The following ESR2 variants were observed in gnomAD, a reference collection of about 807,000 sequenced individuals.
ESR2 encodes estrogen receptor beta.
A neutral mutation model predicts 49.6 loss-of-function variants in ESR2; 36 were observed. That is an observed-to-expected ratio of 0.73 (90% CI 0.56 to 0.96). The LOEUF (loss-of-function observed/expected upper bound fraction) is 0.96. Among genes scored for constraint, ESR2 ranks in the 40% least tolerant of loss-of-function variants. ESR2 has a pLI of 0.00. For synonymous variants in ESR2, 320 were observed against 266.1 expected, an observed-to-expected ratio of 1.20 and a Z score of -1.97; for missense variants, 714 against 693.0, an observed-to-expected ratio of 1.03 and a Z score of -0.34.
At chr14:64,296,344 G>A (rs1191166874), upstream of ESR2, among the ~76,000 whole-genome samples, 1 of 152,196 alleles carries the variant, frequency 6.6e-6, no homozygotes, top group Non-Finnish European at 1.5e-5. Flanking sequence ...GCCACCTAGT[G>A]AGAAAGGAAC....
intron 5 of ESR2, 28 bp from the exon 6 acceptor site, chr14:64,257,392 C>A (rs767462603): frequency 1.9e-6 from 3 of 1,611,408 alleles, no homozygotes; most frequent in East Asian, 2.2e-5. Context: ...CGGTGAGACA[C>A]CCCCACCCCT....
intron 1 of ESR2, among the ~76,000 whole-genome samples, chr14:64,312,082 T>G (rs912417805): frequency 6.6e-6 from 1 of 152,088 alleles, no homozygotes; most frequent in Non-Finnish European, 1.5e-5. Context: ...CAGGGAAAAG[T>G]AGAGACATAA....
At chr14:64,312,968 GA>G (rs2077202327) in intron 1 of ESR2, among the ~76,000 whole-genome samples, 1 of 151,962 alleles carries the variant, frequency 6.6e-6, no homozygotes, top group South Asian at 2.1e-4. Context: ...TAGCAGAGGG[GA>G]TTTAAAAGAT....
chr14:64,233,132 A>G lies in ESR2; in HGVS notation c.*5T>C, dbSNP rs2098728863. 1 of 1,612,134 alleles carries G rather than the reference A, an allele frequency of 6.2e-7. No individual in the cohort carries two copies. ...CTGTGGGCCAGTTCACCTCAGGGCC[A>G]GGCGTCACTGAGACTGTGGGTTCTG... On this transcript the variant is annotated 3_prime_UTR_variant, in exon 9 of 9. Transcript: ENST00000341099.
At chr14:64,262,639 A>C (rs1312767844) in intron 4 of ESR2, among the ~76,000 whole-genome samples, 4 of 147,916 alleles carry the variant, frequency 2.7e-5, no homozygotes, top group African/African-American at 9.8e-5. Flanking sequence ...TAATCCCAGA[A>C]CTTTAGGAGG....
At chr14:64,264,895 A>T (rs1320189002) in intron 4 of ESR2, among the ~76,000 whole-genome samples, 1 of 151,924 alleles carries the variant, frequency 6.6e-6, no homozygotes, top group East Asian at 1.9e-4. Context: ...AAAAAGAAAA[A>T]AAAAAAAGCA....
chr14:64,303,544 TC>T (rs2077054020), intron 1 of ESR2: 1 of 152,182 alleles, frequency 6.6e-6, no homozygotes, highest in South Asian at 2.1e-4. Flanking sequence ...CAACCTCCAG[TC>T]CTGGATAGCG....
chr14:64,276,777 G>A (rs1234959672), intron 3 of ESR2, among the ~76,000 whole-genome samples: 1 of 152,028 alleles, frequency 6.6e-6, no homozygotes, highest in Non-Finnish European at 1.5e-5. Flanking sequence ...TTGTGAAAAG[G>A]GTCTCTGGAA....
rs1375448074 is a variant in ESR2 at position 64,233,195 on chromosome 14, C to T, written c.1535G>A (p.Cys512Tyr). ...GCTTTTACTGTCCTCTGCCGGGCTGCACTCGGACCCCGTGATGGAGGACTT... is the reference window on the plus strand; with the variant it reads ...GCTTTTACTGTCCTCTGCCGGGCTGTACTCGGACCCCGTGATGGAGGACTT... ...GCKSSITGSE[C>Y]SPAEDSKSKE... The change falls in exon 9 of 9, where the codon TGC (cysteine) becomes TAC (tyrosine). Residue 512 changes from cysteine (C) to tyrosine (Y), a missense_variant. Physicochemically the swap from Cys to Tyr is radical, Grantham distance 194. Transcript: ENST00000341099. 3 of 1,614,146 alleles carry T rather than the reference C, an allele frequency of 1.9e-6. No homozygotes were observed. The South Asian group carries it at 3.3e-5, about 18-fold the overall frequency.
intron 1 of ESR2, among the ~76,000 whole-genome samples, chr14:64,334,008 T>A (rs1177865039): frequency 1.3e-5 from 2 of 152,184 alleles, no homozygotes; most frequent in Non-Finnish European, 2.9e-5. Context: ...AATACATTTT[T>A]AAAATAAAAT....
At chr14:64,264,188 T>C (rs1248029083) in intron 4 of ESR2, among the ~76,000 whole-genome samples, 1 of 152,216 alleles carries the variant, frequency 6.6e-6, no homozygotes, top group African/African-American at 2.4e-5. Context: ...ATTATGTTTA[T>C]TCACTAAATC....
At chr14:64,332,379 CAGAAT>C (rs907058355) in intron 1 of ESR2, 1 of 152,154 alleles carries the variant, frequency 6.6e-6, no homozygotes, top group Non-Finnish European at 1.5e-5. Context: ...CAGTAAATAA[CAGAAT>C]AAAGATGGTC....
At position 64,306,852 on chromosome 14, in the gene ESR2, G is replaced by A. The variant is rs149313995; in HGVS notation, c.-90-23777C>T. On this transcript the variant is annotated intron_variant, in intron 1 of 8. Transcript: ENST00000358599. ...CTGAAAGAGGTGGTAGAGAACTGCT[G>A]TTATTTCTCCTTAATCATTTGGTAT... 5.5e-3 allele frequency among the ~76,000 whole-genome samples: 845 copies of A among 152,274 alleles called. 8 individuals carry two copies. Among genetic ancestry groups the A allele is most frequent in the African/African-American group, 0.019 (799 of 41,562 alleles).
intron 6 of ESR2, among the ~76,000 whole-genome samples, chr14:64,254,544 C>T (rs114563199): frequency 6.7e-6 from 1 of 149,684 alleles, no homozygotes; most frequent in Non-Finnish European, 1.5e-5. Flanking sequence ...GTCAGGACCT[C>T]GAGACCAGCT....
At chr14:64,256,063 G>A (rs1435016793) in intron 6 of ESR2, among the ~76,000 whole-genome samples, 1 of 152,178 alleles carries the variant, frequency 6.6e-6, no homozygotes, top group Admixed American at 6.5e-5. Context: ...AAGAGTTGGG[G>A]TAGACACTAG....
chr14:64,282,576 T>G (rs2076696524), intron 2 of ESR2, 48 bp downstream of exon 2: 1 of 1,525,074 alleles, frequency 6.6e-7, no homozygotes, highest in Non-Finnish European at 8.9e-7. Flanking sequence ...CATAAAGTGA[T>G]TTGAGAAATG....
At chr14:64,329,062 GTAAA>G (rs1294537242) in intron 1 of ESR2, among the ~76,000 whole-genome samples, 1 of 152,142 alleles carries the variant, frequency 6.6e-6, no homozygotes, top group African/African-American at 2.4e-5. Flanking sequence ...AAAAATGGAA[GTAAA>G]TAAAGAAATT....
At chr14:64,252,188 C>T (rs1220051163) in intron 6 of ESR2, among the ~76,000 whole-genome samples, 1 of 151,986 alleles carries the variant, frequency 6.6e-6, no homozygotes, top group Non-Finnish European at 1.5e-5. Context: ...TAGCATACAC[C>T]TATAGTCCCA....
chr14:64,313,579 G>GAGAAAT (rs1353618439), intron 1 of ESR2, among the ~76,000 whole-genome samples: 11 of 147,934 alleles, frequency 7.4e-5, no homozygotes, highest in Non-Finnish European at 1.0e-4. Context: ...GAAAGAGAAA[G>GAGAAAT]AAAGAAAGAA....
Sources: allele counts gnomAD v4.1 joint callset (sites outside exome capture counted in the v4.1 genomes callset), GRCh38; gene constraint gnomAD v4.1.1; transcripts MANE v1.5; gene names NCBI Gene and HGNC (gene_info 2026-07-23, HGNC 2026-07-21).